VPS13A: variants seen among roughly 807,000 people sequenced by gnomAD.
The protein encoded by VPS13A is vacuolar protein sorting 13 homolog A, also known as intermembrane lipid transfer protein VPS13A.
In VPS13A, 264 loss-of-function variants were observed where a neutral mutation model predicts 390.9. That is an observed-to-expected ratio of 0.68 (90% CI 0.61 to 0.75). The LOEUF (loss-of-function observed/expected upper bound fraction) is 0.75. Ranked by LOEUF, VPS13A falls within the 30% of genes least tolerant of loss-of-function variation. VPS13A has a pLI of 0.00. For missense variants in VPS13A, 3,409 were observed against 3,733.9 expected, an observed-to-expected ratio of 0.91 and a Z score of 2.27; for synonymous variants, 1,231 against 1,227.1, an observed-to-expected ratio of 1.00 and a Z score of -0.07.
At chr9:77,293,225 G>A (rs761713624) in intron 31 of VPS13A, 116 bp from the exon 32 acceptor site, 2 of 925,296 alleles carry the variant, frequency 2.2e-6, no homozygotes, top group Admixed American at 4.4e-5. Context: ...TACTTGGCTT[G>A]TGAATACTTG....
chr9:77,411,165 G>T (rs565331307), intron 71 of VPS13A, among the ~76,000 whole-genome samples: 2 of 152,226 alleles, frequency 1.3e-5, no homozygotes, highest in African/African-American at 4.8e-5. Flanking sequence ...CATGGAAACT[G>T]AACAACCTGC....
intron 31 of VPS13A, among the ~76,000 whole-genome samples, chr9:77,292,146 A>G (rs1215181913): frequency 1.3e-5 from 2 of 152,116 alleles, no homozygotes; most frequent in Non-Finnish European, 2.9e-5. Context: ...TTCCAGGGTC[A>G]TACCAAGGAA....
intron 10 of VPS13A, among the ~76,000 whole-genome samples, chr9:77,218,092 ATATT>A (rs1822964998): frequency 6.7e-6 from 1 of 150,326 alleles, no homozygotes; most frequent in Admixed American, 6.6e-5. Context: ...CTTTTGAAAA[ATATT>A]TATGTTCTTT....
At chr9:77,256,215 A>G (rs1376557585) in intron 22 of VPS13A, among the ~76,000 whole-genome samples, 1 of 151,548 alleles carries the variant, frequency 6.6e-6, no homozygotes, top group Non-Finnish European at 1.5e-5. Flanking sequence ...GTCTTGAGTT[A>G]TTTTCTAATT....
At chr9:77,318,710 T>C (rs1444090451) in intron 41 of VPS13A, 119 bp downstream of exon 41, 2 of 1,055,148 alleles carry the variant, frequency 1.9e-6, no homozygotes, top group South Asian at 1.5e-5. Flanking sequence ...ATTGTAAATA[T>C]GATATTGGGT....
At chr9:77,336,714 A>G (rs1323650147) in intron 46 of VPS13A, among the ~76,000 whole-genome samples, 6 of 150,996 alleles carry the variant, frequency 4.0e-5, no homozygotes, top group Admixed American at 4.0e-4. Flanking sequence ...CTTTTAAGAT[A>G]GTAAGTTTGT....
chr9:77,187,245 C>G (rs1269570067), intron 1 of VPS13A, among the ~76,000 whole-genome samples: 1 of 151,960 alleles, frequency 6.6e-6, no homozygotes, highest in Non-Finnish European at 1.5e-5. Flanking sequence ...GGTTACATAC[C>G]CAGAAGCAGA....
intron 35 of VPS13A, 71 bp downstream of exon 35, chr9:77,308,169 C>T: frequency 6.6e-7 from 1 of 1,517,504 alleles, no homozygotes; most frequent in Non-Finnish European, 9.1e-7. Flanking sequence ...TCTTCCCTCC[C>T]CTTCCTTCTG....
At chr9:77,385,235 ACTG>A (rs1293700989) in intron 68 of VPS13A, 38 of 837,450 alleles carry the variant, frequency 4.5e-5, no homozygotes, top group Non-Finnish European at 5.3e-5. Context: ...TATAGATTGA[ACTG>A]CTATTATAAA....
chr9:77,182,426 A>G (rs1025974912), intron 1 of VPS13A, among the ~76,000 whole-genome samples: 16 of 152,194 alleles, frequency 1.1e-4, no homozygotes, highest in African/African-American at 3.9e-4. Flanking sequence ...GCTAGGCTGC[A>G]TCAGAATCAG....
chr9:77,414,734 T>TA (rs1835096003), intron 71 of VPS13A, among the ~76,000 whole-genome samples: 1 of 120,870 alleles, frequency 8.3e-6, no homozygotes, highest in African/African-American at 3.5e-5. Context: ...AAACTTGAAG[T>TA]ATAATTAATA....
intron 47 of VPS13A, chr9:77,338,139 A>G (rs1462150183): frequency 3.3e-5 from 5 of 151,890 alleles, no homozygotes; most frequent in Admixed American, 3.3e-4. Context: ...TGCCTGGATA[A>G]TATTTTTTAA....
At chr9:77,401,541 T>TTATC (rs1424474395) in intron 68 of VPS13A, among the ~76,000 whole-genome samples, 1 of 152,144 alleles carries the variant, frequency 6.6e-6, no homozygotes, top group African/African-American at 2.4e-5. Flanking sequence ...ATGTAAATAT[T>TTATC]TATCTTTTTA....
intron 50 of VPS13A, among the ~76,000 whole-genome samples, chr9:77,343,696 G>C (rs1830971189): frequency 6.6e-6 from 1 of 152,068 alleles, no homozygotes; most frequent in Non-Finnish European, 1.5e-5. Flanking sequence ...ACCCTTATTT[G>C]ACAACCAGAT....
intron 68 of VPS13A, among the ~76,000 whole-genome samples, chr9:77,397,191 G>C (rs1053202576): frequency 3.9e-5 from 6 of 151,972 alleles, no homozygotes; most frequent in Admixed American, 2.6e-4. Context: ...GGGTCTCACC[G>C]TGTTGGCCAG....
At chr9:77,331,639 A>G (rs1309024751) in intron 45 of VPS13A, among the ~76,000 whole-genome samples, 1 of 151,800 alleles carries the variant, frequency 6.6e-6, no homozygotes, top group Non-Finnish European at 1.5e-5. Flanking sequence ...CAGCCTGTAG[A>G]TTGTCACTTT....
At chr9:77,319,165 C>G (rs574449717) in intron 41 of VPS13A, among the ~76,000 whole-genome samples, 1 of 143,618 alleles carries the variant, frequency 7.0e-6, no homozygotes, top group East Asian at 2.1e-4. Context: ...CACTGCACTC[C>G]AGCCTGGGGT....
chr9:77,265,380 C>T (rs1367325570), intron 23 of VPS13A, among the ~76,000 whole-genome samples: 3 of 152,152 alleles, frequency 2.0e-5, no homozygotes, highest in African/African-American at 7.2e-5. Flanking sequence ...GGTACCACCT[C>T]CTCTTTGTGC....
chr9:77,206,484 A>T (rs987154208), intron 5 of VPS13A, among the ~76,000 whole-genome samples: 9 of 151,946 alleles, frequency 5.9e-5, no homozygotes, highest in African/African-American at 2.2e-4. Flanking sequence ...GGAGATACTT[A>T]GTTTCTTGAC....
Sources: allele counts gnomAD v4.1 joint callset (sites outside exome capture counted in the v4.1 genomes callset), GRCh38; gene constraint gnomAD v4.1.1; transcripts MANE v1.5; gene names NCBI Gene and HGNC (gene_info 2026-07-23, HGNC 2026-07-21).